The following IPMK variants were observed in gnomAD, a reference collection of about 807,000 sequenced individuals.
IPMK encodes the protein inositol 1,3,4,6-tetrakisphosphate 5-kinase.
A neutral mutation model predicts 45.8 loss-of-function variants in IPMK; 17 were observed. That is an observed-to-expected ratio of 0.37 (90% CI 0.25 to 0.56). IPMK has a LOEUF of 0.56. Among genes scored for constraint, IPMK ranks in the 20% least tolerant of loss-of-function variants. IPMK has a pLI of 0.79. For missense variants in IPMK, 399 were observed against 498.0 expected (o/e 0.80, Z 1.89); for synonymous variants, 180 against 184.3 (o/e 0.98, Z 0.19).
intron 1 of IPMK, among the ~76,000 whole-genome samples, chr10:58,240,615 A>G (rs1381090946): frequency 6.6e-6 from 1 of 151,824 alleles, no homozygotes; most frequent in Non-Finnish European, 1.5e-5. Context: ...GTGTTGAGAT[A>G]ATAACCAACA....
intron 4 of IPMK, among the ~76,000 whole-genome samples, chr10:58,205,469 C>T (rs1001863407): frequency 2.0e-5 from 3 of 152,050 alleles, no homozygotes; most frequent in South Asian, 2.1e-4. Context: ...AGATGCTACT[C>T]GACACCTACT....
chr10:58,267,665 G>A lies in IPMK; in HGVS notation c.-54C>T. The A allele has an allele frequency of 3.5e-6, 4 of 1,150,012 alleles. No individual in the cohort carries two copies. Among genetic ancestry groups the A allele is most frequent in the South Asian group, 2.6e-5 (2 of 75,552 alleles). 71.2% of individuals were successfully genotyped at this position (1,150,012 alleles called of 1,614,324 possible). On this transcript the variant is annotated 5_prime_UTR_variant, in exon 1 of 6. Coordinates refer to ENST00000373935, the MANE Select transcript of IPMK (RefSeq NM_152230.5). The stretch of plus-strand genomic sequence containing the variant: ...GAGAGTAGGAAAAAAAATAGGGCGA[G>A]GGAGGGGGCGCCGGAGAACCCGAGG...
Position 58,222,196 on chromosome 10 carries a change from TTCTA to T in IPMK, c.373+4843_373+4846del, listed in dbSNP as rs537292095. On this transcript the variant is annotated intron_variant, in intron 3 of 5. Coordinates refer to ENST00000373935, the MANE Select transcript of IPMK (RefSeq NM_152230.5). ...CAATGTGCCTGGTAAGATAGATGTG[TTCTA>T]TCTGGAATAGTTTAAGTTCACTCTG... Among the ~76,000 whole-genome samples the T allele has an allele frequency of 1.5e-3, 227 of 152,326 alleles. 3 individuals carry two copies. The highest frequency in any genetic ancestry group is 9.3e-3 in the South Asian group (45 of 4,830).
At position 58,193,439 on chromosome 10, in the gene IPMK, T is replaced by C. The variant is rs1185768306; in HGVS notation, c.*2637A>G. The stretch of plus-strand genomic sequence containing the variant: ...GAGCCATTTAATATACACATTTCCA[T>C]AACTGTTTCTTGAAAAACTATTTAG... On this transcript the variant is annotated 3_prime_UTR_variant, in exon 6 of 6. Transcript: ENST00000373935. The C allele has an allele frequency of 1.3e-5, 2 of 151,910 alleles. No individual in the cohort carries two copies. Among genetic ancestry groups the C allele is most frequent in the African/African-American group, 2.4e-5 (1 of 41,446 alleles). 9.4% of individuals were successfully genotyped at this position (151,910 alleles called of 1,614,324 possible).
intron 3 of IPMK, among the ~76,000 whole-genome samples, chr10:58,217,991 G>C (rs1838274177): frequency 6.6e-6 from 1 of 151,978 alleles, no homozygotes; most frequent in South Asian, 2.1e-4. Flanking sequence ...CCCAGTTAGG[G>C]CTTGAAAAAT....
intron 3 of IPMK, among the ~76,000 whole-genome samples, chr10:58,218,654 G>A (rs1235943104): frequency 1.2e-4 from 19 of 152,184 alleles, no homozygotes. Context: ...GATAGTGAGA[G>A]AACGTAGCTA....
chr10:58,216,766 G>C (rs779249325), intron 3 of IPMK, among the ~76,000 whole-genome samples: 1 of 152,276 alleles, frequency 6.6e-6, no homozygotes, highest in Non-Finnish European at 1.5e-5. Flanking sequence ...CAGAAGTACA[G>C]ATTAAGAAAG....
At chr10:58,202,114 C>T (rs1216450471) in intron 4 of IPMK, among the ~76,000 whole-genome samples, 1 of 152,164 alleles carries the variant, frequency 6.6e-6, no homozygotes, top group African/African-American at 2.4e-5. Flanking sequence ...ACCTAAAATG[C>T]AAGGTGAAGT....
intron 1 of IPMK, among the ~76,000 whole-genome samples, chr10:58,240,954 C>T (rs923223524): frequency 4.6e-5 from 7 of 152,132 alleles, no homozygotes; most frequent in African/African-American, 1.2e-4. Flanking sequence ...GACCCTTTTC[C>T]CCTCTGGATC....
At chr10:58,228,819 A>C (rs1266297589) in intron 2 of IPMK, among the ~76,000 whole-genome samples, 3 of 152,208 alleles carry the variant, frequency 2.0e-5, no homozygotes, top group African/African-American at 4.8e-5. Context: ...TCTATCTTGA[A>C]ATGTAGAATA....
At chr10:58,262,082 G>A (rs147739546) in intron 1 of IPMK, among the ~76,000 whole-genome samples, 2,233 of 152,192 alleles carry the variant, frequency 0.015, 54 homozygotes, top group African/African-American at 0.049. Flanking sequence ...ATCACACACC[G>A]GGGCCTGTCG....
intron 3 of IPMK, among the ~76,000 whole-genome samples, chr10:58,218,001 T>A (rs1238565753): frequency 6.6e-6 from 1 of 151,944 alleles, no homozygotes; most frequent in African/African-American, 2.4e-5. Flanking sequence ...GCTTGAAAAA[T>A]TTTTAAGCCC....
intron 1 of IPMK, among the ~76,000 whole-genome samples, chr10:58,241,372 A>T (rs369294568): frequency 1.3e-5 from 2 of 152,196 alleles, no homozygotes; most frequent in African/African-American, 4.8e-5. Context: ...AGGGGCACGA[A>T]CATAGAGAAA....
chr10:58,221,401 T>A (rs1318375824), intron 3 of IPMK, among the ~76,000 whole-genome samples: 1 of 151,866 alleles, frequency 6.6e-6, no homozygotes, highest in Non-Finnish European at 1.5e-5. Context: ...AAGCTACAGA[T>A]TAGTCAAGGT....
At chr10:58,243,736 C>T (rs929376314) in intron 1 of IPMK, among the ~76,000 whole-genome samples, 2 of 152,204 alleles carry the variant, frequency 1.3e-5, no homozygotes, top group Non-Finnish European at 2.9e-5. Flanking sequence ...ACCTCCCAGC[C>T]GCGTGCCTTG....
intron 1 of IPMK, among the ~76,000 whole-genome samples, chr10:58,241,948 T>A (rs548457283): frequency 5.9e-5 from 9 of 151,926 alleles, no homozygotes; most frequent in East Asian, 3.9e-4. Flanking sequence ...CTCATTAGAT[T>A]GGTTCAAATC....
intron 2 of IPMK, among the ~76,000 whole-genome samples, chr10:58,228,952 A>G (rs1838464507): frequency 1.3e-5 from 2 of 152,348 alleles, no homozygotes; most frequent in South Asian, 4.1e-4. Context: ...TTTGGGCTTC[A>G]CAGAGGTTCA....
At chr10:58,219,940 G>C (rs1202648408) in intron 3 of IPMK, among the ~76,000 whole-genome samples, 1 of 152,168 alleles carries the variant, frequency 6.6e-6, no homozygotes, top group Non-Finnish European at 1.5e-5. Context: ...TGACTAGATA[G>C]AATGTCACTC....
intron 2 of IPMK, among the ~76,000 whole-genome samples, chr10:58,231,195 C>T (rs1838511326): frequency 6.6e-6 from 1 of 152,198 alleles, no homozygotes; most frequent in African/African-American, 2.4e-5. Context: ...ACCAAATCTA[C>T]ATTTGACTGG....
Sources: allele counts gnomAD v4.1 joint callset (sites outside exome capture counted in the v4.1 genomes callset), GRCh38; gene constraint gnomAD v4.1.1; transcripts MANE v1.5; gene names NCBI Gene and HGNC (gene_info 2026-07-23, HGNC 2026-07-21).